Variants in IFT122 observed in about 807,000 individuals in gnomAD.
IFT122 encodes intraflagellar transport 122.
Under a neutral mutation model 161.6 loss-of-function variants are expected in IFT122, and 118 were observed. The ratio of observed to expected loss-of-function variants is 0.73; its 90% CI spans 0.63 to 0.85. The LOEUF (loss-of-function observed/expected upper bound fraction) is 0.85, where lower values mean the gene tolerates loss of function less well. IFT122 is among the 40% of genes least tolerant of loss of function. The pLI is 0.00. For missense variants in IFT122, 1,381 were observed against 1,579.6 expected (o/e 0.87, Z 2.13); for synonymous variants, 550 against 602.4 (o/e 0.91, Z 1.27).
chr3:129,519,189 G>T lies in IFT122; in HGVS notation c.3471+3G>T. The T allele has an allele frequency of 1.9e-6, 3 of 1,613,728 alleles. No individual in the cohort carries two copies. Among genetic ancestry groups the T allele is most frequent in the Non-Finnish European group, 1.7e-6 (2 of 1,179,670 alleles). On this transcript the variant is annotated splice_donor_region_variant and intron_variant, in intron 28 of 29. Transcript: ENST00000348417. The stretch of plus-strand genomic sequence containing the variant: ...TCACAGCTAAGCTGAGCTTTGAGGT[G>T]AGGGTGCCTCTCTGGGTGACCTGCA...
Position 129,520,433 on chromosome 3 carries a change from G to C in IFT122, c.*168G>C. 1.5e-6 allele frequency: 1 copy of C among 683,650 alleles called. No homozygotes were observed. Among genetic ancestry groups the C allele is most frequent in the South Asian group, 1.5e-5 (1 of 64,578 alleles). 42.3% of individuals were successfully genotyped at this position (683,650 alleles called of 1,614,324 possible). ...GGAATTCCTATTTATGGCATTTCAT[G>C]CCTTGTAAATAGCACCAGGAGATGA... is the stretch of plus-strand genomic sequence containing the variant. On this transcript the variant is annotated 3_prime_UTR_variant, in exon 30 of 30. Transcript: ENST00000348417.
At chr3:129,465,184 C>T (rs2076611461) in intron 7 of IFT122, among the ~76,000 whole-genome samples, 1 of 150,136 alleles carries the variant, frequency 6.7e-6, no homozygotes, top group South Asian at 2.1e-4. Context: ...TGCAGCAGGA[C>T]CATTTCCTTA....
intron 1 of IFT122, among the ~76,000 whole-genome samples, chr3:129,444,493 C>T (rs368113483): frequency 1.4e-4 from 22 of 152,096 alleles, no homozygotes; most frequent in African/African-American, 4.3e-4. Context: ...ATTATGTTTT[C>T]GTAAGGATCA....
intron 6 of IFT122, 30 bp from the exon 7 acceptor site, chr3:129,464,605 C>T (rs1415848463): frequency 6.2e-7 from 1 of 1,613,964 alleles, no homozygotes; most frequent in African/African-American, 1.3e-5. Flanking sequence ...CTTCCCCTAT[C>T]CCCATGCCTT....
intron 3 of IFT122, among the ~76,000 whole-genome samples, chr3:129,453,323 C>A (rs570541754): frequency 6.6e-6 from 1 of 151,756 alleles, no homozygotes; most frequent in Non-Finnish European, 1.5e-5. Context: ...GCAACAGCAA[C>A]TGAGAGTGGC....
Position 129,476,381 on chromosome 3 carries a change from A to G in IFT122, c.883A>G (p.Ile295Val), listed in dbSNP as rs1420657253. Residue 295 changes from isoleucine (I) to valine (V), a missense_variant, in exon 10 of 30, where the codon ATT becomes GTT. By Grantham distance (29) the Ile-to-Val change is conservative (BLOSUM62 3). Coordinates refer to ENST00000348417, the MANE Select transcript of IFT122 (RefSeq NM_052989.3). Reference protein sequence around the residue: ...CISYFTKGEYILLGGSDKQVS... With the variant: ...CISYFTKGEYVLLGGSDKQVS... ...CAGCTACTTTACTAAAGGCGAGTAC[A>G]TTTTGCTGGGGGGTTCAGACAAGCA... The G allele has an allele frequency of 1.9e-6, 3 of 1,614,128 alleles. No individual in the cohort carries two copies. Among genetic ancestry groups the G allele is most frequent in the Admixed American group, 1.7e-5 (1 of 60,014 alleles).
chr3:129,466,396 T>C (rs2076775950), intron 7 of IFT122, among the ~76,000 whole-genome samples: 1 of 152,058 alleles, frequency 6.6e-6, no homozygotes, highest in African/African-American at 2.4e-5. Context: ...GGCTCTAGGC[T>C]ACCATTTTTA....
At chr3:129,514,947 A>G (rs1198529644) in intron 25 of IFT122, 6 of 382,618 alleles carry the variant, frequency 1.6e-5, no homozygotes, top group African/African-American at 6.2e-5. Flanking sequence ...CAGCAAATCT[A>G]CCCCACACTC....
rs745440924 is a variant in IFT122, at chr3:129,476,414, CTT to C, written c.919_920del (p.Phe307HisfsTer61). On this transcript the variant is annotated frameshift_variant, in exon 10 of 30. Transcript: ENST00000348417. LOFTEE classifies it high-confidence loss of function. Reference protein sequence around the residue: ...LLGGSDKQVSLFTKDGVRLGT... With the variant: ...LLGGSDKQVSXFTKDGVRLGT... ...GGGGGGTTCAGACAAGCAAGTATCT[CTT>C]TTCACCAAGGATGGAGTGCGGCTTG... 2 of 1,614,126 alleles carry C rather than the reference CTT, an allele frequency of 1.2e-6. No individual in the cohort carries two copies. Among genetic ancestry groups the C allele is most frequent in the Non-Finnish European group, 8.5e-7 (1 of 1,180,028 alleles).
At chr3:129,514,241 A>G (rs2083187848) in intron 24 of IFT122, 148 bp from the exon 25 acceptor site, 2 of 846,166 alleles carry the variant, frequency 2.4e-6, no homozygotes, top group Non-Finnish European at 3.9e-6. Flanking sequence ...ACCTCTCACA[A>G]GCGCACAGAG....
intron 6 of IFT122, among the ~76,000 whole-genome samples, chr3:129,463,850 A>G (rs1438838162): frequency 1.3e-5 from 2 of 152,230 alleles, no homozygotes; most frequent in African/African-American, 4.8e-5. Flanking sequence ...TTACTTAGCA[A>G]CAAGCCTCAA....
rs752704373 is a variant in IFT122 at position 129,502,689 on chromosome 3, T to C, written c.2376-22T>C. 15 of 1,603,204 alleles carry C rather than the reference T, an allele frequency of 9.4e-6. No homozygotes were observed. In the South Asian group the frequency reaches 1.4e-4, roughly 15 times the overall value. The stretch of plus-strand genomic sequence containing the variant: ...TGACAAGACCCAGAGCCCACCCTCC[T>C]ACCTGCCCCTTCCCTCTCCAGGTTG... On this transcript the variant is annotated intron_variant, in intron 19 of 29. Transcript: ENST00000348417.
chr3:129,478,913 G>A (rs148130660), intron 12 of IFT122, among the ~76,000 whole-genome samples: 1,804 of 152,230 alleles, frequency 0.012, 20 homozygotes, highest in Middle Eastern at 0.031. Context: ...TTTAATTCCT[G>A]AAAGATTTTT....
At chr3:129,501,705 G>A (rs3774778) in intron 19 of IFT122, among the ~76,000 whole-genome samples, 4 of 152,196 alleles carry the variant, frequency 2.6e-5, no homozygotes, top group Non-Finnish European at 5.9e-5. Flanking sequence ...TCCAGATGTG[G>A]CTATAAAAGG....
In IFT122 at chr3:129,440,324, A is replaced by G; in HGVS notation, c.-7A>G. 1 of 1,550,878 alleles carries G rather than the reference A, an allele frequency of 6.4e-7. No homozygotes were observed. Among genetic ancestry groups the G allele is most frequent in the South Asian group, 1.2e-5 (1 of 84,020 alleles). ...TAGGAGGAGCCCGAGCCGTAAGGGA[A>G]GCCGTGATGAGGGCCGTGTTGACGT... On this transcript the variant is annotated 5_prime_UTR_variant, in exon 1 of 30. Transcript: ENST00000348417.
intron 23 of IFT122, among the ~76,000 whole-genome samples, chr3:129,510,086 A>T (rs2082644115): frequency 6.6e-6 from 1 of 152,112 alleles, no homozygotes; most frequent in Non-Finnish European, 1.5e-5. Flanking sequence ...TTTTTCAGAG[A>T]TGAGGTCTCT....
chr3:129,514,662 C>T (rs1337446424), intron 25 of IFT122, 108 bp downstream of exon 25: 17 of 1,289,130 alleles, frequency 1.3e-5, no homozygotes, highest in Non-Finnish European at 1.9e-5. Context: ...CTGCAGCTCC[C>T]TCTAGGCTCT....
chr3:129,456,732 T>C (rs1406287224), intron 3 of IFT122, among the ~76,000 whole-genome samples: 1 of 151,836 alleles, frequency 6.6e-6, no homozygotes, highest in Non-Finnish European at 1.5e-5. Flanking sequence ...CTGCCCAACA[T>C]GGAGAAACCC....
At position 129,502,847 on chromosome 3, in the gene IFT122, G is replaced by C. The variant is rs763142182; in HGVS notation, c.2512G>C (p.Val838Leu). The change falls in exon 20 of 30, where the codon GTG becomes CTG. Residue 838 changes from valine (V) to leucine (L), a missense_variant. Physicochemically the swap from Val to Leu is conservative, Grantham distance 32 (BLOSUM62 1). This residue lies in a region of IFT122 where 496 missense variants were observed against 502.5 expected (regional missense o/e 0.99). Coordinates refer to ENST00000348417, the MANE Select transcript of IFT122 (RefSeq NM_052989.3). ...GAAGATGGGTGACCTCAAGTCCCTG[G>C]TGCAGCTGCACGTGGAGACCCAGCG... ...YLKMGDLKSL[V>L]QLHVETQRWD... 6.2e-7 allele frequency: 1 copy of C among 1,612,490 alleles called. No individual in the cohort carries two copies. Among genetic ancestry groups the C allele is most frequent in the Admixed American group, 1.7e-5 (1 of 60,036 alleles).
Sources: allele counts gnomAD v4.1 joint callset (sites outside exome capture counted in the v4.1 genomes callset), GRCh38; gene constraint gnomAD v4.1.1; regional missense constraint gnomAD v4.1.1; transcripts MANE v1.5; gene names NCBI Gene and HGNC (gene_info 2026-07-23, HGNC 2026-07-21).